The following EPPK1 variants were observed in gnomAD, a reference collection of about 807,000 sequenced individuals.
EPPK1 encodes epiplakin 1, also known as epiplakin.
For synonymous variants in EPPK1, 1,862 were observed against 1,721.2 expected (o/e 1.08, Z -2.03); for missense variants, 3,823 against 3,673.3 (o/e 1.04, Z -1.05).
In EPPK1 at chr8:143,870,440, C is replaced by A. The variant is rs1554660781; in HGVS notation, c.2814G>T (p.Leu938=). The A allele has an allele frequency of 1.3e-6, 2 of 1,597,862 alleles. No individual in the cohort carries two copies. The highest frequency in any genetic ancestry group is 4.5e-5 in the East Asian group (2 of 44,758). ...AGAGGCTGAGCCGCTGGCCAGAGGG[C>A]AGCAGCCGCACACCGCCCACAGCTC... ...GLGAVGGVRL[L]PSGQRLSLYQ... Residue 938 remains leucine (L), a synonymous_variant, in exon 2 of 2, where the codon CTG becomes CTT. Coordinates refer to ENST00000615648, the MANE Select transcript of EPPK1 (RefSeq NM_031308.4). This position sits in a 1 kb window ranked among gnomAD's most constrained non-coding sequence, Gnocchi z 5.2.
chr8:143,867,974 T>G lies in EPPK1; in HGVS notation c.5280A>C (p.Ile1760=). ...PETGLYLLQI[I]KKGENYVYIN... ...TGTACACGTAGTTTTCTCCTTTCTT[T>G]ATGATTTGTAGCAGGTACAGGCCCG... is the stretch of plus-strand genomic sequence containing the variant. The change falls in exon 2 of 2, where the codon ATA becomes ATC. Residue 1760 remains isoleucine, a synonymous_variant. Transcript: ENST00000615648. The G allele has an allele frequency of 6.2e-7, 1 of 1,613,608 alleles. No homozygotes were observed. Among genetic ancestry groups the G allele is most frequent in the Non-Finnish European group, 8.5e-7 (1 of 1,179,972 alleles).
chr8:143,878,020 TGTCG>T (rs1490238326), intron 1 of EPPK1, among the ~76,000 whole-genome samples: 2 of 152,044 alleles, frequency 1.3e-5, no homozygotes, highest in Admixed American at 6.5e-5. Context: ...CCTCTCAATT[TGTCG>T]GCCTAGCTGC....
rs1554661887 is a variant in EPPK1, at chr8:143,873,161, T to C, written c.93A>G (p.Gly31=). The change falls in exon 2 of 2, where the codon GGA becomes GGG. Residue 31 remains glycine (G), a synonymous_variant. Transcript: ENST00000615648. ...CCTGGGGCCTGGGGGGCGTGCCGGCTCCCAGCGTGGCTGCCATGGCTCTGG... is the reference window on the plus strand; with the variant it reads ...CCTGGGGCCTGGGGGGCGTGCCGGCCCCCAGCGTGGCTGCCATGGCTCTGG... ...SVPRAMAATL[G]AGTPPRPQAR... is the part of the protein sequence containing the mutation. The C allele has an allele frequency of 6.3e-7, 1 of 1,592,932 alleles. No individual in the cohort carries two copies. Among genetic ancestry groups the C allele is most frequent in the Non-Finnish European group, 8.5e-7 (1 of 1,172,072 alleles).
rs1819109381 is a variant in EPPK1, at chr8:143,866,452, C to T, written c.6802G>A (p.Ala2268Thr). ...TALVLLEAQA[A>T]TGFVIDPVRN... Reference sequence around the variant, plus strand: ...ACGGGGTCGATGACGAAGCCGGTGGCCGCCTGCGCCTCCAGCAGCACCAGG... The same window carrying T: ...ACGGGGTCGATGACGAAGCCGGTGGTCGCCTGCGCCTCCAGCAGCACCAGG... Residue 2268 changes from alanine to threonine, a missense_variant, in exon 2 of 2, where the codon GCC (alanine) becomes ACC (threonine). Ala to Thr is a moderately conservative substitution (Grantham distance 58). Transcript: ENST00000615648. 11 of 1,426,936 alleles carry T rather than the reference C, an allele frequency of 7.7e-6. No homozygotes were observed. The African/African-American group carries it at 1.2e-4, about 16-fold the overall frequency. 88.4% of individuals were successfully genotyped at this position (1,426,936 alleles called of 1,614,324 possible).
At chr8:143,874,304 T>C (rs536841297) in intron 1 of EPPK1, among the ~76,000 whole-genome samples, 1 of 152,362 alleles carries the variant, frequency 6.6e-6, no homozygotes, top group East Asian at 1.9e-4. Context: ...GATTGAATTA[T>C]GTCCCTAAAA....
At position 143,872,017 on chromosome 8, in the gene EPPK1, G is replaced by A. The variant is rs1338209759; in HGVS notation, c.1237C>T (p.Leu413=). 6.4e-6 allele frequency: 10 copies of A among 1,565,140 alleles called. No individual in the cohort carries two copies. Among genetic ancestry groups the A allele is most frequent in the Non-Finnish European group, 8.6e-6 (10 of 1,157,962 alleles). Residue 413 remains leucine, a synonymous_variant, in exon 2 of 2, where the codon CTG becomes TTG. Transcript: ENST00000615648. The part of the protein sequence containing the change: ...GLVCPARRLR[L]PLEAALRCGC... Reference sequence around the variant, plus strand: ...CAGCGCAGGGCGGCCTCCAGGGGCAGCCGGAGCCTGCGTGCTGGACAGACC... The same window carrying A: ...CAGCGCAGGGCGGCCTCCAGGGGCAACCGGAGCCTGCGTGCTGGACAGACC...
In EPPK1 at chr8:143,870,038, C is replaced by T. The variant is rs1819287426; in HGVS notation, c.3216G>A (p.Glu1072=). 1.2e-6 allele frequency: 2 copies of T among 1,611,130 alleles called. No individual in the cohort carries two copies. The highest frequency in any genetic ancestry group is 2.2e-5 in the East Asian group (1 of 44,836). Residue 1072 remains glutamate (E), a synonymous_variant, in exon 2 of 2, where the codon GAG becomes GAA. Transcript: ENST00000615648. The surrounding 1 kb of genome is among the most constrained non-coding windows in gnomAD (Gnocchi z 5.2). The stretch of plus-strand genomic sequence containing the variant: ...AGGAGCTGGACAAGGCTGTCTCCAT[C>T]TCCTGGTCAACATAGCCACGCTGAA... ...VAIQRGYVDQ[E]METALSSSSE...
chr8:143,866,331 G>T lies in EPPK1; in HGVS notation c.6923C>A (p.Thr2308Asn). The T allele has an allele frequency of 1.7e-6, 1 of 573,156 alleles. No homozygotes were observed. Among genetic ancestry groups the T allele is most frequent in the South Asian group, 2.1e-5 (1 of 48,664 alleles). 35.5% of individuals were successfully genotyped at this position (573,156 alleles called of 1,614,324 possible). ...EKLLSAERAV[T>N]GYTDPYTGQQ... ...CCCGGTGTAGGGGTCGGTGTAGCCG[G>T]TGACGGCGCGCTCGGCCGACAGCAG... Residue 2308 changes from threonine (T) to asparagine (N), a missense_variant, in exon 2 of 2, where the codon ACC (threonine) becomes AAC (asparagine). Thr to Asn is a moderately conservative substitution (Grantham distance 65). Transcript: ENST00000615648.
In EPPK1 at chr8:143,868,746, C is replaced by T; in HGVS notation, c.4508G>A (p.Ser1503Asn). 1 of 1,582,304 alleles carries T rather than the reference C, an allele frequency of 6.3e-7. No individual in the cohort carries two copies. The highest frequency in any genetic ancestry group is 8.6e-7 in the Non-Finnish European group (1 of 1,169,454). The change falls in exon 2 of 2, where the codon AGC (serine) becomes AAC (asparagine). Residue 1503 changes from serine to asparagine, a missense_variant. Ser to Asn is a conservative substitution (Grantham distance 46). Coordinates refer to ENST00000615648, the MANE Select transcript of EPPK1 (RefSeq NM_031308.4). Reference protein sequence around the residue: ...GRAAALRQVVSAVTTLVEAAE... With the variant: ...GRAAALRQVVNAVTTLVEAAE... ...AGCCTCGACCAGGGTGGTGACTGCGCTGACCACCTGCCGCAGGGCCGCAGC... is the reference window on the plus strand; with the variant it reads ...AGCCTCGACCAGGGTGGTGACTGCGTTGACCACCTGCCGCAGGGCCGCAGC...
Position 143,862,787 on chromosome 8 carries a change from G to A in EPPK1, c.10467C>T (p.Ser3489=). The A allele has an allele frequency of 5.8e-4, 1 of 1,734 alleles. No individual in the cohort carries two copies. Among genetic ancestry groups the A allele is most frequent in the Admixed American group, 2.5e-3 (1 of 398 alleles). The allele number at this position is 1,734 out of a possible 1,614,324, so 0.1% of individuals were successfully genotyped here. A position where few individuals can be genotyped will look rare whatever the true frequency, so the allele number is the denominator to read the frequency against. ...GCTCCTCGCTCAGCTGGTGCACGGCGGAGCCCCGGCCTGCCAGCTGCAGCA... is the reference window on the plus strand; with the variant it reads ...GCTCCTCGCTCAGCTGGTGCACGGCAGAGCCCCGGCCTGCCAGCTGCAGCA... ...LYMLQLAGRG[S]AVHQLSEELR... is the part of the protein sequence containing the mutation. Residue 3489 remains serine (S), a synonymous_variant, in exon 2 of 2, where the codon TCC becomes TCT. Coordinates refer to ENST00000615648, the MANE Select transcript of EPPK1 (RefSeq NM_031308.4).
In EPPK1 at chr8:143,872,386, C is replaced by T; in HGVS notation, c.868G>A (p.Val290Ile). The change falls in exon 2 of 2, where the codon GTT becomes ATT. Residue 290 changes from valine (V) to isoleucine (I), a missense_variant. Val to Ile is a conservative substitution (Grantham distance 29). Transcript: ENST00000615648. Reference sequence around the variant, plus strand: ...TTGTGGCCTTCGGGCAGCAGGACAACCCCGGCCACGCTGCCGGTACCCTCC... The same window carrying T: ...TTGTGGCCTTCGGGCAGCAGGACAATCCCGGCCACGCTGCCGGTACCCTCC... ...YLEGTGSVAGVVLLPEGHKKS... is the reference protein window; with the variant it reads ...YLEGTGSVAGIVLLPEGHKKS... 6.2e-7 allele frequency: 1 copy of T among 1,603,728 alleles called. No homozygotes were observed.
At chr8:143,875,097 T>C (rs1554662186) in intron 1 of EPPK1, among the ~76,000 whole-genome samples, 3 of 152,172 alleles carry the variant, frequency 2.0e-5, no homozygotes. Context: ...CAGCCTGTCC[T>C]GGGTCCCAAA....
At position 143,870,008 on chromosome 8, in the gene EPPK1, T is replaced by C. The variant is rs12542653; in HGVS notation, c.3246A>G (p.Glu1082=). 1,075,937 of 1,607,362 alleles carry C rather than the reference T, an allele frequency of 0.67. 365,011 individuals carry two copies. Among genetic ancestry groups the C allele is most frequent in the Middle Eastern group, 0.7 (4,209 of 6,034 alleles). ...CCTGGCCGTCCGGTGTGGGGAAGGTTTCGGAGGAGCTGGACAAGGCTGTCT... is the reference window on the plus strand; with the variant it reads ...CCTGGCCGTCCGGTGTGGGGAAGGTCTCGGAGGAGCTGGACAAGGCTGTCT... ...EMETALSSSS[E]TFPTPDGQGR... is the part of the protein sequence containing the mutation. The change falls in exon 2 of 2, where the codon GAA becomes GAG. Residue 1082 remains glutamate (E), a synonymous_variant. Transcript: ENST00000615648. The surrounding 1 kb of genome is among the most constrained non-coding windows in gnomAD (Gnocchi z 5.2).
In EPPK1 at chr8:143,867,829, T is replaced by C. The variant is rs782233446; in HGVS notation, c.5425A>G (p.Arg1809Gly). 49 of 1,613,440 alleles carry C rather than the reference T, an allele frequency of 3.0e-5. 1 individual carries two copies. The South Asian group carries it at 5.0e-4, about 17-fold the overall frequency. ...TACTCCTGGATGAGCTCCCGCTTCC[T>C]GTCCTCTGTGAAGTATGGAGAGGAC... ...LLSSPYFTED[R>G]KRELIQEYGA... The change falls in exon 2 of 2, where the codon AGG (arginine) becomes GGG (glycine). Residue 1809 changes from arginine (R) to glycine (G), a missense_variant. Transcript: ENST00000615648.
intron 1 of EPPK1, among the ~76,000 whole-genome samples, chr8:143,877,429 G>C (rs376513626): frequency 6.6e-6 from 1 of 152,182 alleles, no homozygotes; most frequent in African/African-American, 2.4e-5. Context: ...GGGTGGGGAG[G>C]AGGCCGAGCA....
In EPPK1 at chr8:143,868,274, C is replaced by G. The variant is rs1326695686; in HGVS notation, c.4980G>C (p.Gln1660His). The G allele has an allele frequency of 1.9e-6, 3 of 1,613,224 alleles. No individual in the cohort carries two copies. In the East Asian group the frequency reaches 6.7e-5, roughly 36 times the overall value. The change falls in exon 2 of 2, where the codon CAG becomes CAC. Residue 1660 changes from glutamine to histidine, a missense_variant. Physicochemically the swap from Gln to His is conservative, Grantham distance 24. Coordinates refer to ENST00000615648, the MANE Select transcript of EPPK1 (RefSeq NM_031308.4). ...TCTGCATGGCCTGGAAGAGGGAGAT[C>G]TGCTGCCCGGTATAGGGGTCGGTGT... ...TGYTDPYTGQQISLFQAMQKD... is the reference protein window; with the variant it reads ...TGYTDPYTGQHISLFQAMQKD...
intron 1 of EPPK1, among the ~76,000 whole-genome samples, chr8:143,877,207 TG>T (rs1358956130): frequency 9.2e-5 from 14 of 152,248 alleles, no homozygotes; most frequent in African/African-American, 3.1e-4. Flanking sequence ...TGAACCCCTC[TG>T]GGCCCTGCCC....
chr8:143,867,595 C>A lies in EPPK1; in HGVS notation c.5659G>T (p.Glu1887Ter), dbSNP rs971453097. 6.2e-7 allele frequency: 1 copy of A among 1,613,136 alleles called. No homozygotes were observed. Among genetic ancestry groups the A allele is most frequent in the African/African-American group, 1.3e-5 (1 of 75,050 alleles). ...RTGGQALSTL[E>*]CVKPYLEGSG... is the part of the protein sequence containing the mutation. ...CCTTCCAGATAGGGCTTCACACACT[C>A]CAGCGTGCTGAGTGCCTGTCCCCCA... is the stretch of plus-strand genomic sequence containing the variant. Residue 1887 changes from glutamate to a stop codon, truncating the protein, a stop_gained, in exon 2 of 2, where the codon GAG becomes TAG. Transcript: ENST00000615648. LOFTEE classifies it low-confidence loss of function (END_TRUNC).
At position 143,872,055 on chromosome 8, in the gene EPPK1, G is replaced by C; in HGVS notation, c.1199C>G (p.Ala400Gly). The C allele has an allele frequency of 6.4e-7, 1 of 1,560,620 alleles. No homozygotes were observed. The highest frequency in any genetic ancestry group is 1.2e-5 in the South Asian group (1 of 85,872). The part of the protein sequence containing the change: ...LALRLLDAQL[A>G]TGGLVCPARR... ...TGCTGGACAGACCAGCCCGCCTGTG[G>C]CCAGCTGGGCATCCAAGAGCCGCAG... The change falls in exon 2 of 2, where the codon GCC (alanine) becomes GGC (glycine). Residue 400 changes from alanine to glycine, a missense_variant. Coordinates refer to ENST00000615648, the MANE Select transcript of EPPK1 (RefSeq NM_031308.4).
Sources: gnomAD v4.1 joint callset for allele counts (sites outside exome capture counted in the v4.1 genomes callset) on GRCh38, gnomAD v4.1.1 for gene constraint, Gnocchi (gnomAD v3.1) non-coding constraint, MANE v1.5 for transcripts, NCBI Gene and HGNC (gene_info 2026-07-23, HGNC 2026-07-21) for gene names.